Variants in HACD3 observed in about 807,000 individuals in gnomAD.
HACD3 encodes 3-hydroxyacyl-CoA dehydratase 3.
Under a neutral mutation model 55.2 loss-of-function variants are expected in HACD3, and 30 were observed. The ratio of observed to expected loss-of-function variants is 0.54; its 90% CI spans 0.41 to 0.74. The LOEUF (loss-of-function observed/expected upper bound fraction) is 0.74, where lower values mean the gene tolerates loss of function less well. HACD3 is among the 30% of genes least tolerant of loss of function. HACD3 has a pLI of 0.00. For missense variants in HACD3, 363 were observed against 440.1 expected, an observed-to-expected ratio of 0.82 and a Z score of 1.57; for synonymous variants, 141 against 151.7, an observed-to-expected ratio of 0.93 and a Z score of 0.52.
chr15:65,550,702 T>G (rs984404580), intron 1 of HACD3: 1 of 152,258 alleles, frequency 6.6e-6, no homozygotes, highest in African/African-American at 2.4e-5. Flanking sequence ...GGTTAGGACT[T>G]CAGGAGGGGC....
intron 7 of HACD3, chr15:65,564,590 A>G: frequency 2.4e-6 from 1 of 422,684 alleles, no homozygotes. Flanking sequence ...CAAAAGCAGA[A>G]ACTCCTGATA....
rs2072258663 is a variant in HACD3 at position 65,563,021 on chromosome 15, T to G, written c.532+137T>G. 2.3e-6 allele frequency: 3 copies of G among 1,313,482 alleles called. No homozygotes were observed. In the Admixed American group the frequency reaches 7.9e-5, roughly 35 times the overall value. The allele number at this position is 1,313,482 out of a possible 1,614,324, so 81.4% of individuals were successfully genotyped here. ...AGCACCCTCTACTTTTCGTTGTGCTTTCATAGCTCTTATTTCCCATGGCCT... is the reference window on the plus strand; with the variant it reads ...AGCACCCTCTACTTTTCGTTGTGCTGTCATAGCTCTTATTTCCCATGGCCT... On this transcript the variant is annotated intron_variant, in intron 6 of 10. Coordinates refer to ENST00000261875, the MANE Select transcript of HACD3 (RefSeq NM_016395.4).
Position 65,536,694 on chromosome 15 carries a change from T to G in HACD3, c.87+5976T>G, listed in dbSNP as rs533481795. ...ATCACTTCAACCTGGGAGGCTGAAG[T>G]TGGGTGAGCTGAGATCACGCCACCG... On this transcript the variant is annotated intron_variant, in intron 1 of 10. Transcript: ENST00000261875. Among the ~76,000 whole-genome samples the G allele has an allele frequency of 1.4e-4, 22 of 152,218 alleles. No homozygotes were observed. In the South Asian group the frequency reaches 4.4e-3, roughly 30 times the overall value.
chr15:65,542,227 CAAAAAAAAAA>C (rs527287203), intron 1 of HACD3, among the ~76,000 whole-genome samples: 3 of 63,240 alleles, frequency 4.7e-5, no homozygotes, highest in Admixed American at 3.9e-4. Flanking sequence ...GACTCCATCT[CAAAAAAAAAA>C]AAAAAAAAAG....
At chr15:65,535,968 G>T in intron 1 of HACD3, 1 of 418,542 alleles carries the variant, frequency 2.4e-6, no homozygotes, top group Non-Finnish European at 4.2e-6. Flanking sequence ...GAGGTTACAG[G>T]CTTGAACCAC....
chr15:65,536,296 C>T (rs2071954435), intron 1 of HACD3, among the ~76,000 whole-genome samples: 1 of 152,158 alleles, frequency 6.6e-6, no homozygotes, highest in Admixed American at 6.5e-5. Flanking sequence ...CTGTGCCCAG[C>T]CACCATTGTG....
chr15:65,543,073 TAAA>T (rs550281162), intron 1 of HACD3, among the ~76,000 whole-genome samples: 1 of 113,930 alleles, frequency 8.8e-6, no homozygotes, highest in Non-Finnish European at 1.8e-5. Flanking sequence ...TCTGTCTCTC[TAAA>T]AAAAAAAAAA....
intron 1 of HACD3, among the ~76,000 whole-genome samples, chr15:65,534,156 A>G (rs918436882): frequency 6.6e-6 from 1 of 152,114 alleles, no homozygotes. Flanking sequence ...CTTGTCTATC[A>G]TTAAGCTAGG....
intron 2 of HACD3, 33 bp from the exon 3 acceptor site, chr15:65,554,852 CAA>C: frequency 6.6e-7 from 1 of 1,521,336 alleles, no homozygotes; most frequent in Non-Finnish European, 9.1e-7. Context: ...TTGCTCTGCT[CAA>C]GTTTGCAGTA....
At chr15:65,548,522 A>G (rs2072099003) in intron 1 of HACD3, among the ~76,000 whole-genome samples, 1 of 151,822 alleles carries the variant, frequency 6.6e-6, no homozygotes. Context: ...CAAAAAAAAA[A>G]AAAAAAAAAG....
intron 7 of HACD3, among the ~76,000 whole-genome samples, chr15:65,568,023 C>T (rs962486748): frequency 2.0e-5 from 3 of 151,078 alleles, no homozygotes; most frequent in Non-Finnish European, 4.4e-5. Context: ...CCTGGGTTCA[C>T]GCAATTCTCC....
At chr15:65,562,687 G>A in intron 5 of HACD3, 87 bp from the exon 6 acceptor site, 2 of 1,514,546 alleles carry the variant, frequency 1.3e-6, no homozygotes, top group Non-Finnish European at 1.8e-6. Flanking sequence ...AGGAAAAAGG[G>A]TTGAAGTCAT....
chr15:65,551,703 G>A lies in HACD3; in HGVS notation c.115G>A (p.Val39Met), dbSNP rs748827681. The change falls in exon 2 of 11, where the codon GTG becomes ATG. Residue 39 changes from valine (V) to methionine (M), a missense_variant. By Grantham distance (21) the Val-to-Met change is conservative (BLOSUM62 1). Coordinates refer to ENST00000261875, the MANE Select transcript of HACD3 (RefSeq NM_016395.4). ...CCCTGCCATCAGCATCACTGAAAAC[G>A]TGCTGCATTTCAAAGGTCAGTATCC... ...QNPAISITEN[V>M]LHFKAQGHGA... 6 of 1,613,896 alleles carry A rather than the reference G, an allele frequency of 3.7e-6. No individual in the cohort carries two copies. The highest frequency in any genetic ancestry group is 1.7e-5 in the Admixed American group (1 of 60,018).
chr15:65,545,030 A>AG (rs2072060930), intron 1 of HACD3, among the ~76,000 whole-genome samples: 1 of 152,066 alleles, frequency 6.6e-6, no homozygotes, highest in African/African-American at 2.4e-5. Context: ...AAAAAAAAAA[A>AG]AAAGAAAGAA....
At chr15:65,545,749 C>T (rs1459113269) in intron 1 of HACD3, among the ~76,000 whole-genome samples, 1 of 57,664 alleles carries the variant, frequency 1.7e-5, no homozygotes, top group African/African-American at 4.3e-5. Flanking sequence ...CCACCCGTGG[C>T]CGATTCTGGA....
chr15:65,548,460 C>T (rs1192796768), intron 1 of HACD3, among the ~76,000 whole-genome samples: 2 of 147,562 alleles, frequency 1.4e-5, no homozygotes, highest in African/African-American at 2.5e-5. Flanking sequence ...TGCAGTGAGC[C>T]GAGATTGCAC....
intron 1 of HACD3, among the ~76,000 whole-genome samples, chr15:65,544,793 C>T (rs1442942192): frequency 6.6e-6 from 1 of 151,986 alleles, no homozygotes; most frequent in African/African-American, 2.4e-5. Context: ...AGTCCGAGGC[C>T]AGCAGATCAC....
intron 2 of HACD3, among the ~76,000 whole-genome samples, chr15:65,552,658 G>C (rs1410282823): frequency 6.7e-6 from 1 of 148,190 alleles, no homozygotes; most frequent in African/African-American, 2.5e-5. Flanking sequence ...TTTTGTTTTT[G>C]TTTTTTTTAA....
chr15:65,543,468 A>G (rs1423561654), intron 1 of HACD3, among the ~76,000 whole-genome samples: 1 of 152,220 alleles, frequency 6.6e-6, no homozygotes, highest in Non-Finnish European at 1.5e-5. Context: ...GATAAAACAA[A>G]TATATAAATG....
Sources: gnomAD v4.1 joint callset for allele counts (sites outside exome capture counted in the v4.1 genomes callset) on GRCh38, gnomAD v4.1.1 for gene constraint, MANE v1.5 for transcripts, NCBI Gene and HGNC (gene_info 2026-07-23, HGNC 2026-07-21) for gene names.